NAPB: variants seen among roughly 807,000 people sequenced by gnomAD.
The protein encoded by NAPB is NSF attachment protein beta, also known as beta-soluble NSF attachment protein.
NAPB carries 26 observed loss-of-function variants against 44.7 expected under a neutral mutation model. The observed-to-expected ratio is 0.58, with a 90% CI of 0.43 to 0.81. NAPB has a LOEUF of 0.81. NAPB is among the 30% of genes least tolerant of loss of function. NAPB has a pLI of 0.00. For missense variants in NAPB, 315 were observed against 356.4 expected, an observed-to-expected ratio of 0.88 and a Z score of 0.94; for synonymous variants, 120 against 116.8, an observed-to-expected ratio of 1.03 and a Z score of -0.18.
chr20:23,401,293 G>T (rs974711726), intron 2 of NAPB, among the ~76,000 whole-genome samples: 1 of 152,136 alleles, frequency 6.6e-6, no homozygotes, highest in African/African-American at 2.4e-5. Context: ...TATGCCTAGT[G>T]TTCCTTCACT....
chr20:23,394,860 A>G (rs1322465892), intron 5 of NAPB, 62 bp downstream of exon 5: 8 of 1,500,566 alleles, frequency 5.3e-6, no homozygotes, highest in Non-Finnish European at 6.5e-6. Flanking sequence ...TGAGGAGAGG[A>G]GAGTTCTTTG....
chr20:23,390,897 C>A (rs992205749), intron 5 of NAPB, among the ~76,000 whole-genome samples: 4 of 152,128 alleles, frequency 2.6e-5, no homozygotes, highest in African/African-American at 9.7e-5. Context: ...AAGGGTGTTG[C>A]CGTCAATCTA....
intron 1 of NAPB, among the ~76,000 whole-genome samples, chr20:23,419,885 C>T (rs780018177): frequency 1.6e-4 from 24 of 152,224 alleles, no homozygotes; most frequent in Non-Finnish European, 2.9e-4. Flanking sequence ...TGTCCTTAAG[C>T]ATTTCCTAAA....
chr20:23,394,909 G>A lies in NAPB; in HGVS notation c.420+13C>T. On this transcript the variant is annotated intron_variant, in intron 5 of 10. Coordinates refer to ENST00000377026, the MANE Select transcript of NAPB (RefSeq NM_022080.3). The stretch of plus-strand genomic sequence containing the variant: ...GCCTGCTTCACATCTGAGGAAGTGT[G>A]CCCACTGCTTACCTTCTCAATGTCT... The A allele has an allele frequency of 1.2e-6, 2 of 1,611,570 alleles. No individual in the cohort carries two copies.
rs1402209984 is a variant in NAPB, at chr20:23,375,376, T to A, written c.*2000A>T. 6.6e-6 allele frequency: 1 copy of A among 152,178 alleles called. No homozygotes were observed. Among genetic ancestry groups the A allele is most frequent in the African/African-American group, 2.4e-5 (1 of 41,438 alleles). 9.4% of individuals were successfully genotyped at this position (152,178 alleles called of 1,614,324 possible). A position where few individuals can be genotyped will look rare whatever the true frequency, so the allele number is the denominator to read the frequency against. On this transcript the variant is annotated 3_prime_UTR_variant, in exon 11 of 11. Coordinates refer to ENST00000377026, the MANE Select transcript of NAPB (RefSeq NM_022080.3). ...CGAAAATAAATCATGTAGTTTTTAC[T>A]TTAAGTGGTCAGACCAGAAGATTCT...
At chr20:23,402,170 T>C (rs1367349577) in intron 2 of NAPB, among the ~76,000 whole-genome samples, 1 of 152,202 alleles carries the variant, frequency 6.6e-6, no homozygotes, top group East Asian at 1.9e-4. Context: ...TCCTTTGAAA[T>C]GATTTTAAAG....
chr20:23,379,415 AATGTACC>A (rs1982821578), intron 10 of NAPB, 23 bp downstream of exon 10: 1 of 1,542,850 alleles, frequency 6.5e-7, no homozygotes. Context: ...ATCTTCAAAT[AATGTACC>A]ATGTCCCAAA....
chr20:23,398,636 T>C (rs925191615), intron 2 of NAPB, among the ~76,000 whole-genome samples: 1 of 151,558 alleles, frequency 6.6e-6, no homozygotes, highest in African/African-American at 2.4e-5. Flanking sequence ...AGGTCAGGAG[T>C]TCGAGACCAG....
At chr20:23,412,281 A>C (rs140985128) in intron 1 of NAPB, among the ~76,000 whole-genome samples, 12 of 152,330 alleles carry the variant, frequency 7.9e-5, no homozygotes, top group African/African-American at 2.9e-4. Context: ...AAAGTCAGTC[A>C]CATGGCCACA....
intron 10 of NAPB, chr20:23,379,139 A>C: frequency 3.9e-6 from 1 of 255,014 alleles, no homozygotes; most frequent in Non-Finnish European, 7.4e-6. Context: ...CTTTATACTT[A>C]TTTATGGGTC....
Position 23,381,323 on chromosome 20 carries a change from C to T in NAPB, c.562-6G>A, listed in dbSNP as rs202083889. ...TCCATTGTGTTTGCCCCAACCTAGG[C>T]ACAGAACGCAGAGTTAAATTTAAAA... On this transcript the variant is annotated splice_polypyrimidine_tract_variant and splice_region_variant and intron_variant, in intron 7 of 10. Coordinates refer to ENST00000377026, the MANE Select transcript of NAPB (RefSeq NM_022080.3). The T allele has an allele frequency of 5.8e-5, 90 of 1,542,240 alleles. No individual in the cohort carries two copies. Among genetic ancestry groups the T allele is most frequent in the Non-Finnish European group, 1.2e-5 (14 of 1,140,306 alleles).
chr20:23,415,134 T>C (rs1236461173), intron 1 of NAPB, among the ~76,000 whole-genome samples: 2 of 152,058 alleles, frequency 1.3e-5, no homozygotes, highest in Non-Finnish European at 2.9e-5. Context: ...TTTAGCAAAA[T>C]CAACAGATAC....
chr20:23,413,921 A>C (rs1461803242), intron 1 of NAPB, among the ~76,000 whole-genome samples: 1 of 152,132 alleles, frequency 6.6e-6, no homozygotes, highest in East Asian at 1.9e-4. Context: ...AAAGAAAAAC[A>C]TCCACATTAT....
intron 2 of NAPB, among the ~76,000 whole-genome samples, chr20:23,397,876 C>T (rs184137204): frequency 5.6e-4 from 85 of 152,294 alleles, no homozygotes; most frequent in Non-Finnish European, 9.4e-4. Context: ...CCAACTGGGA[C>T]ACAGTACAAC....
chr20:23,385,410 C>G (rs1422534456), intron 7 of NAPB, among the ~76,000 whole-genome samples: 1 of 152,122 alleles, frequency 6.6e-6, no homozygotes, highest in Non-Finnish European at 1.5e-5. Flanking sequence ...TCAGACAAAT[C>G]CACAACTAAA....
intron 8 of NAPB, among the ~76,000 whole-genome samples, chr20:23,380,222 C>T (rs906862498): frequency 6.6e-6 from 1 of 152,236 alleles, no homozygotes; most frequent in African/African-American, 2.4e-5. Flanking sequence ...TGTATCCATC[C>T]ATTAAATGGA....
At chr20:23,409,745 A>C (rs930303181) in intron 1 of NAPB, among the ~76,000 whole-genome samples, 3 of 152,218 alleles carry the variant, frequency 2.0e-5, no homozygotes, top group African/African-American at 2.4e-5. Flanking sequence ...AGATCAACAA[A>C]AAGCATACAC....
At chr20:23,393,325 T>C (rs540187144) in intron 5 of NAPB, among the ~76,000 whole-genome samples, 1 of 152,038 alleles carries the variant, frequency 6.6e-6, no homozygotes, top group African/African-American at 2.4e-5. Flanking sequence ...AAAGGTCAAA[T>C]AATAAATTTT....
At chr20:23,409,032 T>C (rs943155284) in intron 1 of NAPB, among the ~76,000 whole-genome samples, 4 of 152,212 alleles carry the variant, frequency 2.6e-5, no homozygotes, top group African/African-American at 4.8e-5. Flanking sequence ...GCCCAAGGTA[T>C]GGTGGAAAGG....
Sources: allele counts gnomAD v4.1 joint callset (sites outside exome capture counted in the v4.1 genomes callset), GRCh38; gene constraint gnomAD v4.1.1; transcripts MANE v1.5; gene names NCBI Gene and HGNC (gene_info 2026-07-23, HGNC 2026-07-21).